Variants in CISD3 observed in about 807,000 individuals in gnomAD.
CISD3 encodes the protein CDGSH iron sulfur domain 3.
A neutral mutation model predicts 14.1 loss-of-function variants in CISD3; 11 were observed. The observed-to-expected ratio is 0.78, with a 90% CI of 0.49 to 1.29. The LOEUF is 1.29. Ranked by LOEUF, CISD3 falls within the 50% of genes most tolerant of loss-of-function variation. The pLI is 0.00. For synonymous variants in CISD3, 53 were observed against 69.2 expected, an observed-to-expected ratio of 0.77 and a Z score of 1.16; for missense variants, 156 against 171.6, an observed-to-expected ratio of 0.91 and a Z score of 0.51.
In CISD3 at chr17:38,735,541, G is replaced by A; in HGVS notation, c.*2086G>A. The A allele has an allele frequency of 6.3e-7, 1 of 1,588,566 alleles. No homozygotes were observed. Among genetic ancestry groups the A allele is most frequent in the Non-Finnish European group, 8.6e-7 (1 of 1,167,224 alleles). ...TGCCCTCGGAGGGGGTGGGCACCGT[G>A]GCTAGGGTGAGCCGCTTGCAGGCTG... is the stretch of plus-strand genomic sequence containing the variant. On this transcript the variant is annotated 3_prime_UTR_variant, in exon 4 of 4. Coordinates refer to ENST00000613478, the MANE Select transcript of CISD3 (RefSeq NM_001136498.2).
At chr17:38,732,828 T>C (rs1465951913) in intron 3 of CISD3, among the ~76,000 whole-genome samples, 1 of 152,036 alleles carries the variant, frequency 6.6e-6, no homozygotes, top group South Asian at 2.1e-4. Flanking sequence ...TGCCCAGTTA[T>C]TCCCTGGAGC....
chr17:38,733,631 G>C lies in CISD3; in HGVS notation c.*176G>C. 2 of 659,442 alleles carry C rather than the reference G, an allele frequency of 3.0e-6. No individual in the cohort carries two copies. Among genetic ancestry groups the C allele is most frequent in the Non-Finnish European group, 4.8e-6 (2 of 416,224 alleles). The allele number at this position is 659,442 out of a possible 1,614,324, so 40.8% of individuals were successfully genotyped here. A position where few individuals can be genotyped will look rare whatever the true frequency, so the allele number is the denominator to read the frequency against. ...AGTCTCCAGTCTGGGGCAGGCGGGA[G>C]TGGGCCCTGGTTCAATGTTTGCTGA... On this transcript the variant is annotated 3_prime_UTR_variant, in exon 4 of 4. Transcript: ENST00000613478.
At chr17:38,731,746 C>T in intron 3 of CISD3, 1 of 322,292 alleles carries the variant, frequency 3.1e-6, no homozygotes, top group South Asian at 5.1e-5. Flanking sequence ...CTGGCCCTTC[C>T]CTGTCTCCTT....
At position 38,735,284 on chromosome 17, in the gene CISD3, G is replaced by C; in HGVS notation, c.*1829G>C. Reference sequence around the variant, plus strand: ...CATCTTGCGCCCCCTGCTGGTGGAGGATGGTGTCTGCAGGCAGTTCAAGCT... The same window carrying C: ...CATCTTGCGCCCCCTGCTGGTGGAGCATGGTGTCTGCAGGCAGTTCAAGCT... On this transcript the variant is annotated 3_prime_UTR_variant, in exon 4 of 4. Coordinates refer to ENST00000613478, the MANE Select transcript of CISD3 (RefSeq NM_001136498.2). 1 of 1,487,632 alleles carries C rather than the reference G, an allele frequency of 6.7e-7. No individual in the cohort carries two copies. Among genetic ancestry groups the C allele is most frequent in the Non-Finnish European group, 9.0e-7 (1 of 1,108,238 alleles). 92.2% of individuals were successfully genotyped at this position (1,487,632 alleles called of 1,614,324 possible).
At position 38,735,439 on chromosome 17, in the gene CISD3, G is replaced by T; in HGVS notation, c.*1984G>T. 6.3e-7 allele frequency: 1 copy of T among 1,584,068 alleles called. No homozygotes were observed. The highest frequency in any genetic ancestry group is 2.3e-5 in the East Asian group (1 of 43,286). Reference sequence around the variant, plus strand: ...GGGTGGCTGGGCTGGGCAGGGAGGAGGAGGTGGCTGGCAGGGTGGCAGGGC... The same window carrying T: ...GGGTGGCTGGGCTGGGCAGGGAGGATGAGGTGGCTGGCAGGGTGGCAGGGC... On this transcript the variant is annotated 3_prime_UTR_variant, in exon 4 of 4. Coordinates refer to ENST00000613478, the MANE Select transcript of CISD3 (RefSeq NM_001136498.2).
rs1771812213 is a variant in CISD3, at chr17:38,733,675, C to T, written c.*220C>T. 1.8e-6 allele frequency: 1 copy of T among 546,224 alleles called. No homozygotes were observed. Among genetic ancestry groups the T allele is most frequent in the Non-Finnish European group, 3.2e-6 (1 of 315,082 alleles). 33.8% of individuals were successfully genotyped at this position (546,224 alleles called of 1,614,324 possible). ...TTGCTGATGGGGAAGATGGCAAAAACAAGCCTGCCCAACCAGACTGGTAGT... is the reference window on the plus strand; with the variant it reads ...TTGCTGATGGGGAAGATGGCAAAAATAAGCCTGCCCAACCAGACTGGTAGT... On this transcript the variant is annotated 3_prime_UTR_variant, in exon 4 of 4. Transcript: ENST00000613478.
Position 38,735,478 on chromosome 17 carries a change from G to C in CISD3, c.*2023G>C. 6.3e-7 allele frequency: 1 copy of C among 1,592,020 alleles called. No homozygotes were observed. Among genetic ancestry groups the C allele is most frequent in the South Asian group, 1.1e-5 (1 of 87,812 alleles). The stretch of plus-strand genomic sequence containing the variant: ...GGGTGGCAGGGCTGGGAGCCTTGTC[G>C]CTGACTGACTCACACTCGGACGCCC... On this transcript the variant is annotated 3_prime_UTR_variant, in exon 4 of 4. Coordinates refer to ENST00000613478, the MANE Select transcript of CISD3 (RefSeq NM_001136498.2).
In CISD3 at chr17:38,730,695, T is replaced by C. The variant is rs1023459729; in HGVS notation, c.49-65T>C. 22 of 1,513,956 alleles carry C rather than the reference T, an allele frequency of 1.5e-5. No homozygotes were observed. In the African/African-American group the frequency reaches 2.4e-4, roughly 16 times the overall value. The allele number at this position is 1,513,956 out of a possible 1,614,324, so 93.8% of individuals were successfully genotyped here. A position where few individuals can be genotyped will look rare whatever the true frequency, so the allele number is the denominator to read the frequency against. On this transcript the variant is annotated intron_variant, in intron 1 of 3. Coordinates refer to ENST00000613478, the MANE Select transcript of CISD3 (RefSeq NM_001136498.2). ...GCCTCCCGTGTCCTTCCCTTTCCACTGATTTTATTTTTCCGTTTCCAAACC... is the reference window on the plus strand; with the variant it reads ...GCCTCCCGTGTCCTTCCCTTTCCACCGATTTTATTTTTCCGTTTCCAAACC...
chr17:38,732,938 GAC>G (rs148830489), intron 3 of CISD3, among the ~76,000 whole-genome samples: 116 of 116,530 alleles, frequency 1.0e-3, no homozygotes, highest in East Asian at 4.9e-3. Flanking sequence ...GAGACTCAGA[GAC>G]ACACACACAC....
Position 38,732,318 on chromosome 17 carries a change from C to T in CISD3, c.204+879C>T, listed in dbSNP as rs866699882. ...CACGCTTCTCTCATCTCCTTTCCAT[C>T]CCACCCTAACTCCAATGTCAAGAGG... On this transcript the variant is annotated intron_variant, in intron 3 of 3. Transcript: ENST00000613478. 2.0e-5 allele frequency among the ~76,000 whole-genome samples: 3 copies of T among 152,314 alleles called. No homozygotes were observed. The South Asian group carries it at 6.2e-4, about 32-fold the overall frequency.
chr17:38,733,257 C>T lies in CISD3; in HGVS notation c.205-19C>T, dbSNP rs1285066881. 2 of 1,551,220 alleles carry T rather than the reference C, an allele frequency of 1.3e-6. No individual in the cohort carries two copies. Among genetic ancestry groups the T allele is most frequent in the South Asian group, 1.2e-5 (1 of 84,054 alleles). ...AGCAGGTGGGGTCAGGTCTTTGACT[C>T]CTGTCTTTCCCCCACCAGCCCTTCT... On this transcript the variant is annotated intron_variant, in intron 3 of 3. Coordinates refer to ENST00000613478, the MANE Select transcript of CISD3 (RefSeq NM_001136498.2).
chr17:38,731,569 C>G (rs1906337095), intron 3 of CISD3, 130 bp downstream of exon 3: 2 of 1,253,780 alleles, frequency 1.6e-6, no homozygotes, highest in Admixed American at 2.3e-5. Flanking sequence ...GGCTTGGGAA[C>G]AAAAGGCCAG....
Position 38,735,545 on chromosome 17 carries a change from A to T in CISD3, c.*2090A>T, listed in dbSNP as rs368317834. 4.1e-5 allele frequency: 65 copies of T among 1,587,710 alleles called. No individual in the cohort carries two copies. In the African/African-American group the frequency reaches 8.6e-4, roughly 21 times the overall value. On this transcript the variant is annotated 3_prime_UTR_variant, in exon 4 of 4. Coordinates refer to ENST00000613478, the MANE Select transcript of CISD3 (RefSeq NM_001136498.2). ...CTCGGAGGGGGTGGGCACCGTGGCT[A>T]GGGTGAGCCGCTTGCAGGCTGGCTG...
At chr17:38,730,592 C>T (rs1000215071) in intron 1 of CISD3, 168 bp from the exon 2 acceptor site, 5 of 842,244 alleles carry the variant, frequency 5.9e-6, no homozygotes, top group Non-Finnish European at 9.5e-6. Flanking sequence ...GCAGCCAGCA[C>T]CTTCTCTTGC....
chr17:38,734,995 TAA>T lies in CISD3; in HGVS notation c.*1542_*1543del, dbSNP rs1358988774. ...CATTTTCCACACATACACACACACATAAAGTTTGTTTCCTGTGGCATTTAAAT... is the reference window on the plus strand; with the variant it reads ...CATTTTCCACACATACACACACACATAGTTTGTTTCCTGTGGCATTTAAAT... On this transcript the variant is annotated 3_prime_UTR_variant, in exon 4 of 4. Transcript: ENST00000613478. 2 of 331,808 alleles carry T rather than the reference TAA, an allele frequency of 6.0e-6. No homozygotes were observed. The highest frequency in any genetic ancestry group is 5.4e-6 in the Non-Finnish European group (1 of 185,648). 20.6% of individuals were successfully genotyped at this position (331,808 alleles called of 1,614,324 possible).
chr17:38,731,115 C>T, intron 2 of CISD3: 1 of 701,328 alleles, frequency 1.4e-6, no homozygotes, highest in Non-Finnish European at 2.3e-6. Flanking sequence ...ACCTGAGTGC[C>T]TGCATGGCTT....
chr17:38,731,151 G>A lies in CISD3; in HGVS notation c.85-169G>A, dbSNP rs992710996. On this transcript the variant is annotated intron_variant, in intron 2 of 3. Coordinates refer to ENST00000613478, the MANE Select transcript of CISD3 (RefSeq NM_001136498.2). The stretch of plus-strand genomic sequence containing the variant: ...TGAAATCTCCCTGTCCAAAGCTCAC[G>A]GTCCTATGGTGTCCTGGGGAACGGT... 15 of 893,916 alleles carry A rather than the reference G, an allele frequency of 1.7e-5. No individual in the cohort carries two copies. In the East Asian group the frequency reaches 3.5e-4, roughly 21 times the overall value. 55.4% of individuals were successfully genotyped at this position (893,916 alleles called of 1,614,324 possible).
rs1906603123 is a variant in CISD3 at position 38,735,285 on chromosome 17, A to T, written c.*1830A>T. The T allele has an allele frequency of 6.7e-7, 1 of 1,485,688 alleles. No homozygotes were observed. The highest frequency in any genetic ancestry group is 2.1e-5 in the Admixed American group (1 of 46,672). The allele number at this position is 1,485,688 out of a possible 1,614,324, so 92.0% of individuals were successfully genotyped here. A position where few individuals can be genotyped will look rare whatever the true frequency, so the allele number is the denominator to read the frequency against. ...ATCTTGCGCCCCCTGCTGGTGGAGG[A>T]TGGTGTCTGCAGGCAGTTCAAGCTA... On this transcript the variant is annotated 3_prime_UTR_variant, in exon 4 of 4. Transcript: ENST00000613478.
intron 3 of CISD3, 68 bp downstream of exon 3, chr17:38,731,507 C>T: frequency 1.3e-6 from 2 of 1,540,432 alleles, no homozygotes; most frequent in Non-Finnish European, 1.8e-6. Flanking sequence ...CCAGTGAGTT[C>T]CCACCCAGGA....
Sources: allele counts gnomAD v4.1 joint callset (sites outside exome capture counted in the v4.1 genomes callset), GRCh38; gene constraint gnomAD v4.1.1; transcripts MANE v1.5; gene names NCBI Gene and HGNC (gene_info 2026-07-23, HGNC 2026-07-21).